The following APBB2 variants were observed in gnomAD, a reference collection of about 807,000 sequenced individuals.
APBB2 encodes the protein amyloid beta precursor protein binding family B member 2, also known as Fe65-like 1.
APBB2 carries 38 observed loss-of-function variants against 82.5 expected under a neutral mutation model. That is an observed-to-expected ratio of 0.46 (90% CI 0.36 to 0.60). The LOEUF is 0.60. Among genes scored for constraint, APBB2 ranks in the 20% least tolerant of loss-of-function variants. APBB2 has a pLI of 0.00. For synonymous variants in APBB2, 341 were observed against 368.2 expected, an observed-to-expected ratio of 0.93 and a Z score of 0.85; for missense variants, 772 against 972.3, an observed-to-expected ratio of 0.79 and a Z score of 2.74.
At chr4:40,823,998 G>A (rs570292579) in intron 15 of APBB2, among the ~76,000 whole-genome samples, 4 of 152,174 alleles carry the variant, frequency 2.6e-5, no homozygotes, top group East Asian at 3.9e-4. Flanking sequence ...TCAGGAGTTC[G>A]AGACCAGCCT....
intron 12 of APBB2, among the ~76,000 whole-genome samples, chr4:40,850,402 CCTT>C (rs1430613171): frequency 6.6e-6 from 1 of 152,214 alleles, no homozygotes; most frequent in Non-Finnish European, 1.5e-5. Flanking sequence ...AAGACCCTGA[CCTT>C]CTGCAGGAAT....
At chr4:40,898,404 C>T (rs1774297002) in intron 10 of APBB2, among the ~76,000 whole-genome samples, 4 of 152,114 alleles carry the variant, frequency 2.6e-5, no homozygotes, top group Admixed American at 2.6e-4. Context: ...GCTGGGATTA[C>T]AGGCATGCGC....
chr4:40,936,052 T>C (rs1785297449), intron 7 of APBB2, among the ~76,000 whole-genome samples: 1 of 152,248 alleles, frequency 6.6e-6, no homozygotes. Flanking sequence ...CTTTACTGAC[T>C]GGTTAGGCAA....
rs1023649258 is a variant in APBB2, at chr4:41,214,520, G to A, written c.-532C>T. On this transcript the variant is annotated 5_prime_UTR_variant, in exon 1 of 18. Coordinates refer to ENST00000508593, the MANE Select transcript of APBB2 (RefSeq NM_004307.2). ...TACAGCGCACTAGCTTCCTACTTGA[G>A]ACCAGAACGGGCTCCGGCAACTGAG... The A allele has an allele frequency of 6.6e-6, 1 of 152,452 alleles. No homozygotes were observed. The highest frequency in any genetic ancestry group is 2.4e-5 in the African/African-American group (1 of 41,596). 9.4% of individuals were successfully genotyped at this position (152,452 alleles called of 1,614,324 possible).
intron 10 of APBB2, among the ~76,000 whole-genome samples, chr4:40,919,870 G>A (rs1780807104): frequency 6.6e-6 from 1 of 152,214 alleles, no homozygotes; most frequent in African/African-American, 2.4e-5. Flanking sequence ...GATGAGAGAA[G>A]CGAAGTCCAG....
chr4:40,869,755 T>C (rs1764966819), intron 12 of APBB2, among the ~76,000 whole-genome samples: 1 of 152,196 alleles, frequency 6.6e-6, no homozygotes, highest in Admixed American at 6.5e-5. Context: ...TTTAGATCTT[T>C]GTATTAATTT....
chr4:41,037,176 T>A (rs555574204), intron 4 of APBB2, among the ~76,000 whole-genome samples: 8 of 152,330 alleles, frequency 5.3e-5, no homozygotes, highest in African/African-American at 1.9e-4. Flanking sequence ...TGAGTCTACT[T>A]CCTCAACTCT....
At chr4:40,901,232 A>T (rs1034224820) in intron 10 of APBB2, among the ~76,000 whole-genome samples, 1 of 152,230 alleles carries the variant, frequency 6.6e-6, no homozygotes, top group Non-Finnish European at 1.5e-5. Context: ...ATGAAATGGG[A>T]TGACTTAGAT....
chr4:40,978,237 A>G (rs1024569317), intron 6 of APBB2, among the ~76,000 whole-genome samples: 1 of 152,224 alleles, frequency 6.6e-6, no homozygotes, highest in African/African-American at 2.4e-5. Context: ...TTCTAGTCAC[A>G]CATTCAGGCT....
At chr4:41,110,881 T>C (rs1460314379) in intron 2 of APBB2, among the ~76,000 whole-genome samples, 2 of 152,216 alleles carry the variant, frequency 1.3e-5, no homozygotes, top group Non-Finnish European at 2.9e-5. Context: ...AAATGCATGA[T>C]GTTTATAGTG....
chr4:40,920,959 G>C (rs1781105316), intron 10 of APBB2, among the ~76,000 whole-genome samples: 1 of 152,192 alleles, frequency 6.6e-6, no homozygotes, highest in Admixed American at 6.5e-5. Flanking sequence ...TTGGACTCTG[G>C]AACCAGACTG....
Position 41,169,739 on chromosome 4 carries a change from T to A in APBB2, c.-416-26597A>T, listed in dbSNP as rs191703706. On this transcript the variant is annotated intron_variant, in intron 1 of 17. Transcript: ENST00000508593. ...TTTTCCAAACTGTAATCATTTCAACTGCTGGCTTTCTCTGTATTTATGCTA... is the reference window on the plus strand; with the variant it reads ...TTTTCCAAACTGTAATCATTTCAACAGCTGGCTTTCTCTGTATTTATGCTA... Among the ~76,000 whole-genome samples, 13 of 152,328 alleles carry A rather than the reference T, an allele frequency of 8.5e-5. No homozygotes were observed. In the East Asian group the frequency reaches 2.5e-3, roughly 29 times the overall value.
At chr4:41,027,719 A>G (rs113499741) in intron 5 of APBB2, among the ~76,000 whole-genome samples, 7 of 138,872 alleles carry the variant, frequency 5.0e-5, no homozygotes, top group Admixed American at 3.4e-4. Flanking sequence ...CCTACTATGT[A>G]TACCAAGGCC....
chr4:41,069,945 A>C (rs1733228222), intron 3 of APBB2, among the ~76,000 whole-genome samples: 1 of 152,224 alleles, frequency 6.6e-6, no homozygotes, highest in Admixed American at 6.5e-5. Flanking sequence ...ATGCCTCTTA[A>C]ATGGGAAAAT....
chr4:41,210,462 CT>C (rs1359962873), intron 1 of APBB2, among the ~76,000 whole-genome samples: 2 of 152,214 alleles, frequency 1.3e-5, no homozygotes, highest in Non-Finnish European at 2.9e-5. Context: ...CCCCCAGACC[CT>C]TTATTATGGA....
chr4:40,829,896 C>T (rs778216835), intron 13 of APBB2, among the ~76,000 whole-genome samples: 8 of 152,280 alleles, frequency 5.3e-5, no homozygotes, highest in Admixed American at 2.0e-4. Context: ...TGTGTGTTAA[C>T]GGCAATCCCC....
chr4:41,133,485 A>T (rs913765795), intron 2 of APBB2, among the ~76,000 whole-genome samples: 2 of 152,008 alleles, frequency 1.3e-5, no homozygotes, highest in Non-Finnish European at 2.9e-5. Flanking sequence ...GACAACACAG[A>T]CTCCGTGAAT....
chr4:40,958,416 T>A (rs937599971), intron 6 of APBB2, among the ~76,000 whole-genome samples: 16 of 152,214 alleles, frequency 1.1e-4, no homozygotes, highest in African/African-American at 3.9e-4. Flanking sequence ...AAGATTTGTA[T>A]TTTACTTTAA....
intron 3 of APBB2, among the ~76,000 whole-genome samples, chr4:41,073,334 C>T (rs977473745): frequency 1.1e-4 from 17 of 152,142 alleles, no homozygotes; most frequent in African/African-American, 3.9e-4. Context: ...AAGTTCTTTT[C>T]TCTTTCTCCC....
Sources: allele counts gnomAD v4.1 joint callset (sites outside exome capture counted in the v4.1 genomes callset), GRCh38; gene constraint gnomAD v4.1.1; transcripts MANE v1.5; gene names NCBI Gene and HGNC (gene_info 2026-07-23, HGNC 2026-07-21).